The following SLC35F1 variants were observed in gnomAD, a reference collection of about 807,000 sequenced individuals.
The protein encoded by SLC35F1 is solute carrier family 35 member F1.
A neutral mutation model predicts 48.7 loss-of-function variants in SLC35F1; 14 were observed. That is an observed-to-expected ratio of 0.29 (90% CI 0.19 to 0.45). The LOEUF (loss-of-function observed/expected upper bound fraction) is 0.45, where lower values mean the gene tolerates loss of function less well. Among genes scored for constraint, SLC35F1 ranks in the 20% least tolerant of loss-of-function variants. SLC35F1 has a pLI of 1.00. For synonymous variants in SLC35F1, 190 were observed against 202.2 expected, an observed-to-expected ratio of 0.94 and a Z score of 0.51; for missense variants, 404 against 500.0, an observed-to-expected ratio of 0.81 and a Z score of 1.83.
Position 118,003,431 on chromosome 6 carries a change from A to G in SLC35F1, c.173+95532A>G, listed in dbSNP as rs117525838. Reference sequence around the variant, plus strand: ...GGTTCTGGTCCTGGTTCCCATGGCAACCTGCCGGCTGTGGTCTTCGGATGG... The same window carrying G: ...GGTTCTGGTCCTGGTTCCCATGGCAGCCTGCCGGCTGTGGTCTTCGGATGG... On this transcript the variant is annotated intron_variant, in intron 1 of 7. Transcript: ENST00000360388. Among the ~76,000 whole-genome samples, 827 of 152,306 alleles carry G rather than the reference A, an allele frequency of 5.4e-3. 23 individuals are homozygous for G. Among genetic ancestry groups the G allele is most frequent in the East Asian group, 0.04 (209 of 5,180 alleles).
intron 1 of SLC35F1, among the ~76,000 whole-genome samples, chr6:118,049,267 G>A (rs570621036): frequency 1.6e-4 from 25 of 152,234 alleles, no homozygotes; most frequent in Middle Eastern, 3.4e-3. Flanking sequence ...AACCCTAGAA[G>A]AAAACCTAGG....
intron 6 of SLC35F1, among the ~76,000 whole-genome samples, chr6:118,278,000 A>G (rs991378431): frequency 6.6e-6 from 1 of 152,234 alleles, no homozygotes; most frequent in African/African-American, 2.4e-5. Flanking sequence ...GCCCATAAAA[A>G]CCTTTCAGAA....
chr6:118,291,188 T>G (rs1460482263), intron 7 of SLC35F1, among the ~76,000 whole-genome samples: 1 of 151,138 alleles, frequency 6.6e-6, no homozygotes, highest in Non-Finnish European at 1.5e-5. Flanking sequence ...TTTGTAACAT[T>G]CAAAAATGGT....
At chr6:117,953,000 G>C (rs74403151) in intron 1 of SLC35F1, among the ~76,000 whole-genome samples, 1 of 152,208 alleles carries the variant, frequency 6.6e-6, no homozygotes, top group East Asian at 1.9e-4. Flanking sequence ...AGAGAGAAGC[G>C]AGAGAAGTGA....
intron 1 of SLC35F1, among the ~76,000 whole-genome samples, chr6:117,966,287 C>CGGCAAAGGTCTTCA (rs1401026636): frequency 6.6e-6 from 1 of 152,158 alleles, no homozygotes; most frequent in African/African-American, 2.4e-5. Flanking sequence ...GTAACACTCA[C>CGGCAAAGGTCTTCA]GGCAAAGGTC....
chr6:118,085,467 T>TC (rs973609262), intron 1 of SLC35F1, among the ~76,000 whole-genome samples: 43 of 149,462 alleles, frequency 2.9e-4, no homozygotes, highest in African/African-American at 9.5e-4. Context: ...TATAGTTTTC[T>TC]CTTTTTTTTT....
intron 1 of SLC35F1, among the ~76,000 whole-genome samples, chr6:118,046,577 C>T (rs1772305525): frequency 6.6e-6 from 1 of 152,086 alleles, no homozygotes; most frequent in Admixed American, 6.6e-5. Flanking sequence ...GGCTGTCTAG[C>T]TTCAGTTTCT....
chr6:117,908,956 G>A (rs1775730838), intron 1 of SLC35F1, among the ~76,000 whole-genome samples: 1 of 152,206 alleles, frequency 6.6e-6, no homozygotes. Flanking sequence ...CAAAGCTCTG[G>A]TGGGAGTACA....
intron 1 of SLC35F1, among the ~76,000 whole-genome samples, chr6:118,107,448 G>A (rs1203319654): frequency 2.6e-5 from 4 of 152,104 alleles, no homozygotes; most frequent in Non-Finnish European, 4.4e-5. Flanking sequence ...TCTTCTTCTA[G>A]CTATTTGTTC....
chr6:118,077,979 C>T (rs1772846694), intron 1 of SLC35F1, among the ~76,000 whole-genome samples: 1 of 152,006 alleles, frequency 6.6e-6, no homozygotes, highest in African/African-American at 2.4e-5. Flanking sequence ...TAAGTTCTAC[C>T]TTTTGGGATT....
At chr6:118,272,727 A>ATG (rs1379034825) in intron 4 of SLC35F1, among the ~76,000 whole-genome samples, 1 of 97,598 alleles carries the variant, frequency 1.0e-5, no homozygotes, top group South Asian at 3.3e-4. Flanking sequence ...TAAAAAATAT[A>ATG]TATGTGTGTG....
At chr6:118,112,586 G>A (rs1049745506) in intron 1 of SLC35F1, among the ~76,000 whole-genome samples, 1 of 152,144 alleles carries the variant, frequency 6.6e-6, no homozygotes, top group Non-Finnish European at 1.5e-5. Flanking sequence ...TTTGAGGTCT[G>A]CATCAGGACC....
intron 5 of SLC35F1, among the ~76,000 whole-genome samples, chr6:118,277,236 T>C (rs1042170924): frequency 2.0e-5 from 3 of 152,198 alleles, no homozygotes; most frequent in African/African-American, 7.2e-5. Flanking sequence ...GTAGGCAGAC[T>C]GTTTGGGTGA....
intron 1 of SLC35F1, among the ~76,000 whole-genome samples, chr6:117,978,026 A>C (rs1053675496): frequency 6.6e-6 from 1 of 152,184 alleles, no homozygotes; most frequent in African/African-American, 2.4e-5. Flanking sequence ...TTCATATTGT[A>C]CCAAAGTCTT....
intron 1 of SLC35F1, among the ~76,000 whole-genome samples, chr6:117,914,568 T>C (rs1775804979): frequency 6.6e-6 from 1 of 152,192 alleles, no homozygotes; most frequent in East Asian, 1.9e-4. Flanking sequence ...GTGACTATTA[T>C]ATGTTGGGCA....
At chr6:118,269,558 GA>G (rs113540508) in intron 4 of SLC35F1, among the ~76,000 whole-genome samples, 19 of 150,214 alleles carry the variant, frequency 1.3e-4, no homozygotes, top group African/African-American at 2.2e-4. Flanking sequence ...TTTTTTTAAA[GA>G]AAAAAAAACC....
chr6:118,011,478 G>T (rs956492052), intron 1 of SLC35F1, among the ~76,000 whole-genome samples: 1 of 152,154 alleles, frequency 6.6e-6, no homozygotes, highest in African/African-American at 2.4e-5. Context: ...CAAGGGGGAA[G>T]TCTGCCTCCA....
intron 1 of SLC35F1, among the ~76,000 whole-genome samples, chr6:118,138,148 A>G (rs991362700): frequency 1.3e-5 from 2 of 151,902 alleles, no homozygotes; most frequent in African/African-American, 4.8e-5. Flanking sequence ...GTCTCTACAA[A>G]AAGTTAAAAA....
intron 1 of SLC35F1, among the ~76,000 whole-genome samples, chr6:117,997,989 A>G (rs1290378788): frequency 2.7e-5 from 4 of 150,358 alleles, no homozygotes; most frequent in African/African-American, 9.8e-5. Context: ...CAAATTGGAT[A>G]AAGAGTCAAG....
Sources: allele counts gnomAD v4.1 joint callset (sites outside exome capture counted in the v4.1 genomes callset), GRCh38; gene constraint gnomAD v4.1.1; transcripts MANE v1.5; gene names NCBI Gene and HGNC (gene_info 2026-07-23, HGNC 2026-07-21).